The following SHTN1 variants were observed in gnomAD, a reference collection of about 807,000 sequenced individuals.
SHTN1 encodes shootin-1.
SHTN1 carries 42 observed loss-of-function variants against 83.1 expected under a neutral mutation model. That is an observed-to-expected ratio of 0.51 (90% CI 0.39 to 0.65). SHTN1 has a LOEUF of 0.65. Among genes scored for constraint, SHTN1 ranks in the 30% least tolerant of loss-of-function variants. The probability of loss-of-function intolerance (pLI) is 0.00; values close to 1 mark genes in which losing one functional copy is unlikely to be tolerated. For synonymous variants in SHTN1, 224 were observed against 247.7 expected (o/e 0.90, Z 0.90); for missense variants, 622 against 737.8 (o/e 0.84, Z 1.82).
intron 16 of SHTN1, among the ~76,000 whole-genome samples, chr10:116,892,628 A>C (rs1477610658): frequency 6.6e-6 from 1 of 152,220 alleles, no homozygotes; most frequent in Non-Finnish European, 1.5e-5. Flanking sequence ...TAAATGTAGT[A>C]GTTTTTCTTT....
At chr10:116,974,213 G>A in intron 2 of SHTN1, 2 of 851,734 alleles carry the variant, frequency 2.3e-6, no homozygotes, top group South Asian at 1.0e-4. Flanking sequence ...CTTGCTCTTT[G>A]TTTCTAGATA....
chr10:117,053,895 T>C (rs764802898), intron 1 of SHTN1, among the ~76,000 whole-genome samples: 1 of 152,174 alleles, frequency 6.6e-6, no homozygotes, highest in Non-Finnish European at 1.5e-5. Context: ...ATACATATAA[T>C]AGAATATTAT....
intron 2 of SHTN1, among the ~76,000 whole-genome samples, chr10:117,037,801 T>C (rs976885141): frequency 6.6e-6 from 1 of 150,884 alleles, no homozygotes; most frequent in African/African-American, 2.4e-5. Context: ...AGATCAGGAG[T>C]TCGAGACCGT....
In SHTN1 at chr10:116,886,017, G is replaced by A. The variant is rs1361531875; in HGVS notation, c.*327C>T. The A allele has an allele frequency of 3.8e-6, 1 of 260,004 alleles. No homozygotes were observed. The highest frequency in any genetic ancestry group is 8.2e-5 in the South Asian group (1 of 12,262). The allele number at this position is 260,004 out of a possible 1,614,324, so 16.1% of individuals were successfully genotyped here. On this transcript the variant is annotated 3_prime_UTR_variant, in exon 17 of 17. Transcript: ENST00000355371. The stretch of plus-strand genomic sequence containing the variant: ...ACCTCAAACTTTCAGCATTCCATTT[G>A]ATGAGTGGTATGCACATTTCCTAAA...
chr10:116,909,304 C>G, intron 14 of SHTN1, among the ~76,000 whole-genome samples: 1 of 152,144 alleles, frequency 6.6e-6, no homozygotes, highest in East Asian at 1.9e-4. Context: ...ACTAACTAAT[C>G]TAATTGTCAG....
chr10:116,968,724 G>C lies in SHTN1; in HGVS notation c.112-12C>G. The C allele has an allele frequency of 6.2e-7, 1 of 1,603,754 alleles. No homozygotes were observed. Among genetic ancestry groups the C allele is most frequent in the East Asian group, 2.2e-5 (1 of 44,802 alleles). On this transcript the variant is annotated splice_polypyrimidine_tract_variant and intron_variant, in intron 2 of 16. Coordinates refer to ENST00000355371, the MANE Select transcript of SHTN1 (RefSeq NM_001127211.3). The stretch of plus-strand genomic sequence containing the variant: ...CTAATTTTGTCACACTGAAATGAGA[G>C]AAGTAAACAAATGTTAAACTTCAAT...
chr10:116,929,983 T>C lies in SHTN1; in HGVS notation c.878A>G (p.Gln293Arg). Residue 293 changes from glutamine (Q) to arginine (R), a missense_variant, in exon 10 of 17, where the codon CAA (glutamine) becomes CGA (arginine). This residue lies in a region of SHTN1 where 383 missense variants were observed against 455.8 expected (regional missense o/e 0.84). Transcript: ENST00000355371. ...TTTGTGGAGTGTTTCATTTTCTAGT[T>C]GCTCTTCTAATTCTTTGACCTATAA... ...HQQKVKELEEQLENETLHKEI... is the reference protein window; with the variant it reads ...HQQKVKELEERLENETLHKEI... 2 of 1,593,584 alleles carry C rather than the reference T, an allele frequency of 1.3e-6. No individual in the cohort carries two copies. The highest frequency in any genetic ancestry group is 1.7e-6 in the Non-Finnish European group (2 of 1,170,300).
At chr10:116,966,314 T>C (rs1850394028) in intron 3 of SHTN1, among the ~76,000 whole-genome samples, 1 of 152,210 alleles carries the variant, frequency 6.6e-6, no homozygotes, top group Admixed American at 6.5e-5. Context: ...GGCCAAGTCC[T>C]TGTTTTCTCT....
chr10:117,084,084 G>A (rs1420430760), intron 1 of SHTN1, among the ~76,000 whole-genome samples: 4 of 152,222 alleles, frequency 2.6e-5, no homozygotes, highest in Non-Finnish European at 4.4e-5. Flanking sequence ...TCCGTTGCTG[G>A]TGAGGAGCTG....
intron 15 of SHTN1, 123 bp downstream of exon 15, chr10:116,906,504 A>T: frequency 1.1e-6 from 1 of 949,148 alleles, no homozygotes; most frequent in South Asian, 2.3e-5. Context: ...CATACTTCTC[A>T]CTCACATTAA....
At chr10:117,122,088 A>G (rs1469585123) in intron 1 of SHTN1, among the ~76,000 whole-genome samples, 1 of 152,174 alleles carries the variant, frequency 6.6e-6, no homozygotes, top group Admixed American at 6.5e-5. Context: ...TAGATTACCC[A>G]TAATAACCTA....
chr10:117,074,867 C>T (rs925577934), intron 1 of SHTN1, among the ~76,000 whole-genome samples: 6 of 152,056 alleles, frequency 3.9e-5, no homozygotes, highest in African/African-American at 7.2e-5. Context: ...GTACTCTCTA[C>T]GGCTGAGAGT....
rs74159038 is a variant in SHTN1 at position 117,101,692 on chromosome 10, A to T, written c.-189+24615T>A. Among the ~76,000 whole-genome samples the T allele has an allele frequency of 2.3e-3, 353 of 152,342 alleles. 2 individuals are homozygous for T. The highest frequency in any genetic ancestry group is 8.2e-3 in the African/African-American group (342 of 41,562). On this transcript the variant is annotated intron_variant, in intron 1 of 17. Transcript: ENST00000392901. ...AAGACATATATTTTCTCTCACCACA[A>T]GGGAAAAGTTTCCAACACAAAGCTA...
In SHTN1 at chr10:117,109,553, CTTTTTTTTTTTT is replaced by C. The variant is rs374713015; in HGVS notation, c.-189+16742_-189+16753del. 6.3e-4 allele frequency among the ~76,000 whole-genome samples: 27 copies of C among 42,956 alleles called. 1 individual carries two copies. Among genetic ancestry groups the C allele is most frequent in the South Asian group, 5.8e-3 (4 of 686 alleles). 28.2% of individuals were successfully genotyped at this position (42,956 alleles called of 152,430 possible). ...TTTCCAAAGGCATTAACATATATTACTTTTTTTTTTTTTTTTTTTTTTTTTTTTTGAGAGGGA... is the reference window on the plus strand; with the variant it reads ...TTTCCAAAGGCATTAACATATATTACTTTTTTTTTTTTTTTTTGAGAGGGA... On this transcript the variant is annotated intron_variant, in intron 1 of 17. Transcript: ENST00000392901.
chr10:117,065,503 A>G (rs1564947004), intron 1 of SHTN1, among the ~76,000 whole-genome samples: 1 of 151,336 alleles, frequency 6.6e-6, no homozygotes, highest in Non-Finnish European at 1.5e-5. Context: ...GGATTGCTTG[A>G]GGTCAGGAGT....
intron 1 of SHTN1, among the ~76,000 whole-genome samples, chr10:117,097,792 C>G (rs1047707279): frequency 2.0e-5 from 3 of 152,168 alleles, no homozygotes; most frequent in Non-Finnish European, 1.5e-5. Context: ...TTAAGCGATT[C>G]CAACTGCATC....
Position 116,951,892 on chromosome 10 carries a change from A to G in SHTN1, c.534+17T>C. 1 of 1,444,438 alleles carries G rather than the reference A, an allele frequency of 6.9e-7. No homozygotes were observed. The highest frequency in any genetic ancestry group is 9.6e-7 in the Non-Finnish European group (1 of 1,042,744). 89.5% of individuals were successfully genotyped at this position (1,444,438 alleles called of 1,614,324 possible). A position where few individuals can be genotyped will look rare whatever the true frequency, so the allele number is the denominator to read the frequency against. On this transcript the variant is annotated intron_variant, in intron 6 of 16. Transcript: ENST00000355371. ...GAAAATGCTAAAGCCCTTGCCTTTC[A>G]GGCCTGAGATACATACTTCTTCAAT...
rs931298528 is a variant in SHTN1 at position 117,114,057 on chromosome 10, T to TA, written c.-189+12249dup. On this transcript the variant is annotated intron_variant, in intron 1 of 17. Coordinates refer to the SHTN1 transcript ENST00000392901. ...GCGAGACTCCGTCTCAAAAATAAAA[T>TA]AAAAAAAAAAAGCTGGGCACAATGG... is the stretch of plus-strand genomic sequence containing the variant. Among the ~76,000 whole-genome samples the TA allele has an allele frequency of 1.5e-3, 206 of 140,340 alleles. 2 individuals are homozygous for TA. The highest frequency in any genetic ancestry group is 4.6e-3 in the African/African-American group (178 of 38,468). The allele number at this position is 140,340 out of a possible 152,430, so 92.1% of individuals were successfully genotyped here.
intron 1 of SHTN1, among the ~76,000 whole-genome samples, chr10:117,068,332 G>T (rs1275946784): frequency 6.6e-6 from 1 of 152,182 alleles, no homozygotes; most frequent in Non-Finnish European, 1.5e-5. Context: ...AGAGGTTGCA[G>T]TGAGTTGGGG....
Sources: gnomAD v4.1 joint callset for allele counts (sites outside exome capture counted in the v4.1 genomes callset) on GRCh38, gnomAD v4.1.1 for gene constraint, gnomAD v4.1.1 regional missense constraint, MANE v1.5 for transcripts, NCBI Gene and HGNC (gene_info 2026-07-23, HGNC 2026-07-21) for gene names.